Variants in SYNPO observed in about 807,000 individuals in gnomAD.
SYNPO encodes the protein synaptopodin.
A neutral mutation model predicts 49.5 loss-of-function variants in SYNPO; 19 were observed. The observed-to-expected ratio is 0.38, with a 90% CI of 0.27 to 0.56. The LOEUF (loss-of-function observed/expected upper bound fraction) is 0.56, where lower values mean the gene tolerates loss of function less well. Among genes scored for constraint, SYNPO ranks in the 20% least tolerant of loss-of-function variants. The probability of loss-of-function intolerance (pLI) is 0.68; values close to 1 mark genes in which losing one functional copy is unlikely to be tolerated. For synonymous variants in SYNPO, 536 were observed against 548.0 expected, an observed-to-expected ratio of 0.98 and a Z score of 0.31; for missense variants, 1,131 against 1,248.3, an observed-to-expected ratio of 0.91 and a Z score of 1.42.
the SYNPO span, among the ~76,000 whole-genome samples, chr5:150,594,745 C>T: frequency 3.9e-5 from 6 of 152,162 alleles, no homozygotes; most frequent in Non-Finnish European, 8.8e-5. Context: ...GGGAGGTGGG[C>T]GTGGTGAACA....
Position 150,656,796 on chromosome 5 carries a change from C to T in SYNPO, c.2421C>T (p.Pro807=), listed in dbSNP as rs1758581581. The change falls in exon 3 of 3, where the codon CCC becomes CCT. Residue 807 remains proline, a synonymous_variant. Transcript: ENST00000307662. ...CCCCGCGCATGCGCTCGCCACAGCC[C>T]GCCCGCCCCGGCTCGGCTGCTGTGC... ...PPPPRMRSPQ[P]ARPGSAAVPG... 2.1e-6 allele frequency: 3 copies of T among 1,435,750 alleles called. No homozygotes were observed. Among genetic ancestry groups the T allele is most frequent in the African/African-American group, 3.0e-5 (2 of 66,386 alleles). 88.9% of individuals were successfully genotyped at this position (1,435,750 alleles called of 1,614,324 possible).
At chr5:150,644,456 T>C (rs538080949) in intron 1 of SYNPO, among the ~76,000 whole-genome samples, 7 of 152,368 alleles carry the variant, frequency 4.6e-5, no homozygotes, top group African/African-American at 7.2e-5. Context: ...GTCAATCCCC[T>C]GTGCTAGAAG....
rs529535083 is a variant in SYNPO at position 150,607,724 on chromosome 5, C to T, written c.-266+6536C>T. Among the ~76,000 whole-genome samples, 5 of 150,096 alleles carry T rather than the reference C, an allele frequency of 3.3e-5. No homozygotes were observed. The East Asian group carries it at 9.7e-4, about 29-fold the overall frequency. ...GCAATGCCAGCACTGTCCCCTGAAA[C>T]GTAATGCGAGCACAGATGTAATATT... On this transcript the variant is annotated intron_variant, in intron 1 of 2. Coordinates refer to the SYNPO transcript ENST00000394243.
At chr5:150,596,587 A>G (rs1438333960), upstream of SYNPO, among the ~76,000 whole-genome samples, 1 of 151,996 alleles carries the variant, frequency 6.6e-6, no homozygotes, top group Non-Finnish European at 1.5e-5. Context: ...CTCAATTACC[A>G]GTGATCTGAT....
intron 2 of SYNPO, among the ~76,000 whole-genome samples, chr5:150,628,283 A>T (rs968545052): frequency 6.6e-6 from 1 of 152,156 alleles, no homozygotes; most frequent in African/African-American, 2.4e-5. Context: ...AGGGTCGTAT[A>T]GTACTGTGCA....
chr5:150,588,501 G>C, the SYNPO span, among the ~76,000 whole-genome samples: 5 of 152,296 alleles, frequency 3.3e-5, no homozygotes, highest in African/African-American at 1.2e-4. Flanking sequence ...TGTTGGGAAG[G>C]GAAGGACCTC....
intron 1 of SYNPO, among the ~76,000 whole-genome samples, chr5:150,643,072 A>G (rs1188877938): frequency 1.3e-5 from 2 of 152,258 alleles, no homozygotes; most frequent in Admixed American, 1.3e-4. Flanking sequence ...ATGGCCTTCT[A>G]GAGCCAGTAA....
upstream of SYNPO, among the ~76,000 whole-genome samples, chr5:150,635,723 A>G (rs1318566173): frequency 6.6e-6 from 1 of 152,202 alleles, no homozygotes; most frequent in Non-Finnish European, 1.5e-5. Context: ...TCGGCCTCCC[A>G]AAGTGCTGGG....
chr5:150,650,445 T>C (rs1289102588), intron 2 of SYNPO, 142 bp downstream of exon 2: 1 of 1,540,974 alleles, frequency 6.5e-7, no homozygotes, highest in African/African-American at 1.4e-5. Context: ...GGGGAGTCCA[T>C]GGTTCAAGGT....
chr5:150,638,360 C>T (rs1230609642), upstream of SYNPO, among the ~76,000 whole-genome samples: 1 of 152,206 alleles, frequency 6.6e-6, no homozygotes, highest in African/African-American at 2.4e-5. Context: ...GTTGCTCTCT[C>T]CTTCCTTCTC....
At chr5:150,622,680 C>T (rs773567855) in intron 2 of SYNPO, among the ~76,000 whole-genome samples, 3 of 152,204 alleles carry the variant, frequency 2.0e-5, no homozygotes, top group Non-Finnish European at 2.9e-5. Context: ...GTGTTAACAG[C>T]TGACAGTGGT....
rs548656363 is a variant in SYNPO, at chr5:150,624,842, G to T, written c.400+6075G>T. 1.5e-5 allele frequency: 15 copies of T among 984,452 alleles called. No individual in the cohort carries two copies. The South Asian group carries it at 5.4e-4, about 36-fold the overall frequency. 61.0% of individuals were successfully genotyped at this position (984,452 alleles called of 1,614,324 possible). On this transcript the variant is annotated intron_variant, in intron 2 of 2. Coordinates refer to the SYNPO transcript ENST00000394243. ...GGACCTCGGGGCGGGGCGCGCTGAC[G>T]GACGCGGCCAGGTGTGCCGAGGCGG...
At chr5:150,656,249 T>C (rs567340603) in intron 2 of SYNPO, among the ~76,000 whole-genome samples, 155 bp from the exon 3 acceptor site, 5 of 151,804 alleles carry the variant, frequency 3.3e-5, no homozygotes, top group Non-Finnish European at 5.9e-5. Context: ...GGCTGAGAGT[T>C]TGGGCGCCTG....
the SYNPO span, among the ~76,000 whole-genome samples, chr5:150,586,963 G>A: frequency 6.6e-6 from 1 of 152,188 alleles, no homozygotes; most frequent in African/African-American, 2.4e-5. Context: ...TGGATGCACG[G>A]ATGAGTATGT....
At position 150,658,054 on chromosome 5, in the gene SYNPO, G is replaced by C. The variant is rs1218819657; in HGVS notation, c.*967G>C. On this transcript the variant is annotated 3_prime_UTR_variant, in exon 3 of 3. Coordinates refer to ENST00000307662, the MANE Select transcript of SYNPO (RefSeq NM_007286.6). ...CCCTCAGTTTGGGGTTGCTTATTGG[G>C]AAAGAGAGAGACAAAGAGTTACTTG... is the stretch of plus-strand genomic sequence containing the variant. The C allele has an allele frequency of 6.6e-6, 1 of 152,418 alleles. No homozygotes were observed. Among genetic ancestry groups the C allele is most frequent in the African/African-American group, 2.4e-5 (1 of 41,438 alleles). 9.4% of individuals were successfully genotyped at this position (152,418 alleles called of 1,614,324 possible).
chr5:150,620,061 G>A (rs1277100981), intron 2 of SYNPO, among the ~76,000 whole-genome samples: 1 of 152,174 alleles, frequency 6.6e-6, no homozygotes, highest in South Asian at 2.1e-4. Context: ...CCCAGGCTGG[G>A]GTCAGGAGAC....
chr5:150,589,518 C>T, the SYNPO span, among the ~76,000 whole-genome samples: 38 of 152,334 alleles, frequency 2.5e-4, no homozygotes, highest in Non-Finnish European at 3.4e-4. Flanking sequence ...AACAACCCTG[C>T]GATGAACATA....
At chr5:150,616,375 G>A (rs187122373) in intron 1 of SYNPO, among the ~76,000 whole-genome samples, 1 of 152,334 alleles carries the variant, frequency 6.6e-6, no homozygotes, top group East Asian at 1.9e-4. Flanking sequence ...GAGTAAGAGA[G>A]TTCACACTTG....
chr5:150,599,449 G>C (rs980777364), upstream of SYNPO, among the ~76,000 whole-genome samples: 4 of 152,200 alleles, frequency 2.6e-5, no homozygotes, highest in African/African-American at 7.2e-5. Context: ...GTAGTCTTGG[G>C]ACCAATGCTG....
Sources: gnomAD v4.1 joint callset for allele counts (sites outside exome capture counted in the v4.1 genomes callset) on GRCh38, gnomAD v4.1.1 for gene constraint, MANE v1.5 for transcripts, NCBI Gene and HGNC (gene_info 2026-07-23, HGNC 2026-07-21) for gene names.